Variants in SLC44A5 observed in about 807,000 individuals in gnomAD.
The protein encoded by SLC44A5 is solute carrier family 44 member 5.
In SLC44A5, 57 loss-of-function variants were observed where a neutral mutation model predicts 101.8. The observed-to-expected ratio is 0.56, with a 90% CI of 0.45 to 0.70. SLC44A5 has a LOEUF of 0.70. Ranked by LOEUF, SLC44A5 falls within the 30% of genes least tolerant of loss-of-function variation. The pLI, the probability that SLC44A5 is intolerant of heterozygous loss-of-function variation, is 0.00. For missense variants in SLC44A5, 737 were observed against 853.1 expected (o/e 0.86, Z 1.70); for synonymous variants, 281 against 290.9 (o/e 0.97, Z 0.35).
intron 1 of SLC44A5, among the ~76,000 whole-genome samples, chr1:75,601,243 G>C (rs1310670910): frequency 6.6e-6 from 1 of 152,002 alleles, no homozygotes; most frequent in Non-Finnish European, 1.5e-5. Flanking sequence ...GATGACACTG[G>C]AAACCATCAT....
the SLC44A5 span, chr1:75,723,564 AT>A: frequency 6.6e-6 from 1 of 152,212 alleles, no homozygotes; most frequent in African/African-American, 2.4e-5. Context: ...CTTTTCGTTC[AT>A]CTTTTCTGTG....
At chr1:75,375,349 T>A (rs1020264124) in intron 3 of SLC44A5, among the ~76,000 whole-genome samples, 1 of 152,186 alleles carries the variant, frequency 6.6e-6, no homozygotes, top group Admixed American at 6.5e-5. Flanking sequence ...CTCTAGAGAC[T>A]ATACGTGTGA....
chr1:75,268,408 T>C (rs1449385320), intron 6 of SLC44A5, among the ~76,000 whole-genome samples: 2 of 152,174 alleles, frequency 1.3e-5, no homozygotes, highest in Admixed American at 1.3e-4. Flanking sequence ...TTTTTCTTCA[T>C]AGCATTGATC....
At chr1:75,586,164 C>G (rs912636819) in intron 1 of SLC44A5, among the ~76,000 whole-genome samples, 12 of 152,046 alleles carry the variant, frequency 7.9e-5, no homozygotes, top group African/African-American at 2.9e-4. Context: ...CCTTTAGAGG[C>G]CTGAATAGAA....
intron 2 of SLC44A5, among the ~76,000 whole-genome samples, chr1:75,477,546 G>C (rs1414413620): frequency 6.6e-6 from 1 of 152,136 alleles, no homozygotes; most frequent in Non-Finnish European, 1.5e-5. Context: ...CCAATACAGA[G>C]AAGTGCTTAA....
chr1:75,592,123 G>T (rs1242348222), intron 1 of SLC44A5, among the ~76,000 whole-genome samples: 1 of 151,964 alleles, frequency 6.6e-6, no homozygotes, highest in Non-Finnish European at 1.5e-5. Flanking sequence ...TCTTATATTT[G>T]GATAAACCTA....
In SLC44A5 at chr1:75,478,485, G is replaced by A. The variant is rs576046223; in HGVS notation, c.13+62950C>T. Among the ~76,000 whole-genome samples the A allele has an allele frequency of 7.8e-3, 1,191 of 152,238 alleles. 25 individuals carry two copies. Among genetic ancestry groups the A allele is most frequent in the African/African-American group, 0.027 (1,128 of 41,524 alleles). ...TTGGATAAAGAGTCAAGACCCATCA[G>A]TGTGCTGTATTCAGGAAACCCATCT... On this transcript the variant is annotated intron_variant, in intron 2 of 23. Transcript: ENST00000370859.
intron 2 of SLC44A5, among the ~76,000 whole-genome samples, chr1:75,431,626 GT>G (rs1379112077): frequency 1.3e-5 from 2 of 151,822 alleles, no homozygotes; most frequent in Admixed American, 6.6e-5. Context: ...GTGGGTTTTT[GT>G]TTTTTATTGG....
At chr1:75,206,455 C>T (rs2100424522) in intron 23 of SLC44A5, 2 of 581,498 alleles carry the variant, frequency 3.4e-6, no homozygotes, top group South Asian at 4.6e-5. Context: ...CTAATGTCAT[C>T]AAATACCTGA....
the SLC44A5 span, among the ~76,000 whole-genome samples, chr1:75,723,206 G>A: frequency 6.6e-6 from 1 of 152,204 alleles, no homozygotes; most frequent in African/African-American, 2.4e-5. Context: ...CTTTATGCGT[G>A]TGTGCTCTCG....
chr1:75,513,647 T>C (rs1044957407), intron 2 of SLC44A5, among the ~76,000 whole-genome samples: 1 of 152,184 alleles, frequency 6.6e-6, no homozygotes, highest in African/African-American at 2.4e-5. Context: ...GCCACTCACT[T>C]GGAAATGAAT....
At chr1:75,305,617 GC>G (rs1654839364) in intron 4 of SLC44A5, among the ~76,000 whole-genome samples, 1 of 152,154 alleles carries the variant, frequency 6.6e-6, no homozygotes, top group Admixed American at 6.5e-5. Context: ...ATGATACACA[GC>G]CCTTGGGCAC....
At chr1:75,426,646 G>A (rs1664324094) in intron 2 of SLC44A5, among the ~76,000 whole-genome samples, 1 of 152,220 alleles carries the variant, frequency 6.6e-6, no homozygotes, top group Admixed American at 6.5e-5. Context: ...TTCTCCATAT[G>A]TGAAGAAGTA....
Position 75,282,431 on chromosome 1 carries a change from G to A in SLC44A5, c.176-7389C>T, listed in dbSNP as rs566310484. 2.6e-5 allele frequency among the ~76,000 whole-genome samples: 4 copies of A among 152,248 alleles called. No homozygotes were observed. In the South Asian group the frequency reaches 8.3e-4, roughly 32 times the overall value. ...GATGAGACTTTGGACTTGGACTTTT[G>A]GGTTAATGATGAAATGAGTTAAGAC... On this transcript the variant is annotated intron_variant, in intron 5 of 23. Coordinates refer to ENST00000370859, the MANE Select transcript of SLC44A5 (RefSeq NM_001130058.2).
intron 5 of SLC44A5, among the ~76,000 whole-genome samples, chr1:75,286,345 T>G (rs1308097689): frequency 6.6e-6 from 1 of 152,140 alleles, no homozygotes; most frequent in Non-Finnish European, 1.5e-5. Flanking sequence ...CCCCTTTACC[T>G]TAAGTTCATG....
At chr1:75,316,717 T>A (rs1256421092) in intron 4 of SLC44A5, among the ~76,000 whole-genome samples, 2 of 152,340 alleles carry the variant, frequency 1.3e-5, no homozygotes, top group Non-Finnish European at 2.9e-5. Context: ...AGTATTCTGA[T>A]TTAACATATT....
rs181337635 is a variant in SLC44A5, at chr1:75,349,397, C to T, written c.53-9767G>A. Among the ~76,000 whole-genome samples, 23 of 152,030 alleles carry T rather than the reference C, an allele frequency of 1.5e-4. No homozygotes were observed. The South Asian group carries it at 1.7e-3, about 11-fold the overall frequency. On this transcript the variant is annotated intron_variant, in intron 3 of 23. Coordinates refer to ENST00000370859, the MANE Select transcript of SLC44A5 (RefSeq NM_001130058.2). ...GAGGATGGAATGTGAGGATGGAATG[C>T]GATGTTCTAACAGATATCAAATCAG...
intron 1 of SLC44A5, among the ~76,000 whole-genome samples, chr1:75,548,473 A>AT (rs997095267): frequency 7.2e-5 from 11 of 151,856 alleles, no homozygotes; most frequent in South Asian, 4.2e-4. Context: ...AATATTACTA[A>AT]TTTTTTTTTA....
chr1:75,266,291 T>C (rs571255598), intron 6 of SLC44A5, among the ~76,000 whole-genome samples: 40 of 149,384 alleles, frequency 2.7e-4, no homozygotes, highest in Non-Finnish European at 3.8e-4. Flanking sequence ...CATCCTAACA[T>C]AGATGCATTT....
Sources: allele counts gnomAD v4.1 joint callset (sites outside exome capture counted in the v4.1 genomes callset), GRCh38; gene constraint gnomAD v4.1.1; transcripts MANE v1.5; gene names NCBI Gene and HGNC (gene_info 2026-07-23, HGNC 2026-07-21).